ZNF343: variants seen among roughly 807,000 people sequenced by gnomAD.
The protein encoded by ZNF343 is zinc finger protein 343.
Under a neutral mutation model 13.8 loss-of-function variants are expected in ZNF343, and 11 were observed. That is an observed-to-expected ratio of 0.80 (90% CI 0.50 to 1.32). The LOEUF (loss-of-function observed/expected upper bound fraction) is 1.32, where lower values mean the gene tolerates loss of function less well. ZNF343 is among the 40% of genes most tolerant of loss of function. The pLI is 0.00. For synonymous variants in ZNF343, 248 were observed against 260.0 expected, an observed-to-expected ratio of 0.95 and a Z score of 0.44; for missense variants, 658 against 714.2, an observed-to-expected ratio of 0.92 and a Z score of 0.90.
Position 2,482,967 on chromosome 20 carries a change from C to T in ZNF343, c.*194G>A, listed in dbSNP as rs183873623. ...AGGCTGACTGATGGCTACAGTTGCC[C>T]GTACTCTATACTCATAAGGCTCCTC... On this transcript the variant is annotated 3_prime_UTR_variant, in exon 6 of 6. Coordinates refer to ENST00000278772, the MANE Select transcript of ZNF343 (RefSeq NM_024325.6). 16 of 649,506 alleles carry T rather than the reference C, an allele frequency of 2.5e-5. No individual in the cohort carries two copies. Among genetic ancestry groups the T allele is most frequent in the East Asian group, 1.1e-4 (4 of 36,262 alleles). 40.2% of individuals were successfully genotyped at this position (649,506 alleles called of 1,614,324 possible). A position where few individuals can be genotyped will look rare whatever the true frequency, so the allele number is the denominator to read the frequency against.
At chr20:2,493,443 G>C in intron 4 of ZNF343, 76 bp downstream of exon 4, 1 of 1,401,388 alleles carries the variant, frequency 7.1e-7, no homozygotes, top group Non-Finnish European at 1.0e-6. Context: ...CCTTTCCCAA[G>C]AAAGAGAATA....
chr20:2,524,994 T>G (rs544557325), upstream of ZNF343, among the ~76,000 whole-genome samples: 2 of 152,308 alleles, frequency 1.3e-5, no homozygotes, highest in East Asian at 3.9e-4. Flanking sequence ...GCTTCCCGGC[T>G]TCCCGCTCCT....
At chr20:2,499,454 G>A in intron 2 of ZNF343, among the ~76,000 whole-genome samples, 1 of 65,374 alleles carries the variant, frequency 1.5e-5, no homozygotes, top group African/African-American at 6.1e-5. Context: ...GACAGAGCGA[G>A]ACTCCGTCTC....
intron 5 of ZNF343, among the ~76,000 whole-genome samples, chr20:2,490,695 A>G (rs2085354424): frequency 6.6e-6 from 1 of 151,840 alleles, no homozygotes; most frequent in South Asian, 2.1e-4. Context: ...CCGCCACCAC[A>G]CTTGGCTATG....
chr20:2,498,511 G>A (rs1343906224), intron 2 of ZNF343, among the ~76,000 whole-genome samples: 1 of 152,204 alleles, frequency 6.6e-6, no homozygotes, highest in Non-Finnish European at 1.5e-5. Flanking sequence ...AAACAGCACA[G>A]AATGGAATCT....
intron 5 of ZNF343, 152 bp from the exon 6 acceptor site, chr20:2,484,808 T>G (rs551715361): frequency 4.3e-6 from 3 of 690,426 alleles, no homozygotes; most frequent in Non-Finnish European, 6.9e-6. Context: ...TTCCTTTACA[T>G]TCCATCACAT....
At chr20:2,504,355 G>A (rs980653187) in intron 1 of ZNF343, among the ~76,000 whole-genome samples, 4 of 152,246 alleles carry the variant, frequency 2.6e-5, no homozygotes, top group African/African-American at 4.8e-5. Context: ...ATTCACAGCC[G>A]AATTCTACCT....
In ZNF343 at chr20:2,484,111, G is replaced by C; in HGVS notation, c.850C>G (p.Leu284Val). The C allele has an allele frequency of 6.2e-7, 1 of 1,614,196 alleles. No homozygotes were observed. Among genetic ancestry groups the C allele is most frequent in the Non-Finnish European group, 8.5e-7 (1 of 1,180,042 alleles). ...CGRSFKDRST[L>V]IRHHRIHSME... ...GAGTGTATACGATGGTGTCTGATGA[G>C]GGTTGATCTATCTTTAAAGCTTCGC... The change falls in exon 6 of 6, where the codon CTC becomes GTC. Residue 284 changes from leucine (L) to valine (V), a missense_variant. Transcript: ENST00000278772.
intron 3 of ZNF343, 32 bp from the exon 4 acceptor site, chr20:2,493,609 A>G (rs2085405373): frequency 1.5e-6 from 2 of 1,365,448 alleles, no homozygotes; most frequent in South Asian, 1.2e-5. Context: ...ATGAGAAACC[A>G]GACCCCCCCA....
intron 1 of ZNF343, among the ~76,000 whole-genome samples, chr20:2,516,636 G>A (rs2085760699): frequency 6.6e-6 from 1 of 152,074 alleles, no homozygotes; most frequent in African/African-American, 2.4e-5. Flanking sequence ...TCAAGGGCAA[G>A]TGTCAAGATG....
intron 5 of ZNF343, among the ~76,000 whole-genome samples, chr20:2,489,641 C>T (rs376297160): frequency 2.3e-4 from 35 of 152,322 alleles, no homozygotes; most frequent in African/African-American, 8.2e-4. Flanking sequence ...ATAGCTGAAC[C>T]ACACCTGAAG....
intron 1 of ZNF343, among the ~76,000 whole-genome samples, chr20:2,506,365 A>T (rs2085656644): frequency 6.6e-6 from 1 of 152,220 alleles, no homozygotes; most frequent in South Asian, 2.1e-4. Context: ...AACTAGTTCA[A>T]CCATTGTAGA....
chr20:2,483,058 G>C lies in ZNF343; in HGVS notation c.*103C>G, dbSNP rs1029431992. 8.9e-6 allele frequency: 12 copies of C among 1,353,462 alleles called. No individual in the cohort carries two copies. In the Admixed American group the frequency reaches 2.0e-4, roughly 23 times the overall value. 83.8% of individuals were successfully genotyped at this position (1,353,462 alleles called of 1,614,324 possible). ...ATCTCTGGAACTTCACTCACAATCT[G>C]TGTACACAGGGTCTACTCCCCATGT... On this transcript the variant is annotated 3_prime_UTR_variant, in exon 6 of 6. Transcript: ENST00000278772.
At chr20:2,515,626 A>C (rs1224701251) in intron 1 of ZNF343, among the ~76,000 whole-genome samples, 1 of 152,190 alleles carries the variant, frequency 6.6e-6, no homozygotes, top group Non-Finnish European at 1.5e-5. Flanking sequence ...TATTCTAATT[A>C]TGTCTAGTTA....
chr20:2,484,263 A>G lies in ZNF343; in HGVS notation c.698T>C (p.Leu233Ser), dbSNP rs1403850232. Residue 233 changes from leucine (L) to serine (S), a missense_variant, in exon 6 of 6, where the codon TTA (leucine) becomes TCA (serine). By Grantham distance (145) the Leu-to-Ser change is moderately radical (BLOSUM62 -2). Coordinates refer to ENST00000278772, the MANE Select transcript of ZNF343 (RefSeq NM_024325.6). ...PVQLDKGLKE[L>S]ETLRFGAINC... is the part of the protein sequence containing the mutation. Reference sequence around the variant, plus strand: ...GATTGCTCCAAATCTCAAGGTTTCTAATTCCTTCAAGCCTTTGTCTAGCTG... The same window carrying G: ...GATTGCTCCAAATCTCAAGGTTTCTGATTCCTTCAAGCCTTTGTCTAGCTG... 4.3e-6 allele frequency: 7 copies of G among 1,614,194 alleles called. No homozygotes were observed. The East Asian group carries it at 1.3e-4, about 31-fold the overall frequency.
At chr20:2,513,333 A>G (rs6114707), upstream of ZNF343, among the ~76,000 whole-genome samples, 24 of 152,370 alleles carry the variant, frequency 1.6e-4, no homozygotes, top group South Asian at 4.8e-3. Context: ...AAATAACTGC[A>G]TACAAAACAG....
chr20:2,489,236 A>AG (rs2085328467), intron 5 of ZNF343, among the ~76,000 whole-genome samples: 1 of 152,228 alleles, frequency 6.6e-6, no homozygotes, highest in Non-Finnish European at 1.5e-5. Flanking sequence ...TTGGCCAGAA[A>AG]GGGAGAAGTG....
Position 2,493,299 on chromosome 20 carries a change from T to C in ZNF343, c.177+220A>G, listed in dbSNP as rs73892460. On this transcript the variant is annotated intron_variant, in intron 4 of 5. Coordinates refer to ENST00000278772, the MANE Select transcript of ZNF343 (RefSeq NM_024325.6). Reference sequence around the variant, plus strand: ...AAAATGGGAGTGAACAGATGGGGTCTGGAATGAGCATTTTTTAAAAGCTCA... The same window carrying C: ...AAAATGGGAGTGAACAGATGGGGTCCGGAATGAGCATTTTTTAAAAGCTCA... 5.9e-3 allele frequency among the ~76,000 whole-genome samples: 891 copies of C among 152,208 alleles called. 17 individuals are homozygous for C. The highest frequency in any genetic ancestry group is 0.019 in the African/African-American group (808 of 41,500).
At chr20:2,501,095 G>A (rs958052480) in intron 1 of ZNF343, among the ~76,000 whole-genome samples, 1 of 152,134 alleles carries the variant, frequency 6.6e-6, no homozygotes. Flanking sequence ...CTGGAAAATT[G>A]GGTCACTCCC....
Sources: gnomAD v4.1 joint callset for allele counts (sites outside exome capture counted in the v4.1 genomes callset) on GRCh38, gnomAD v4.1.1 for gene constraint, MANE v1.5 for transcripts, NCBI Gene and HGNC (gene_info 2026-07-23, HGNC 2026-07-21) for gene names.